NTM: variants seen among roughly 807,000 people sequenced by gnomAD.
The protein encoded by NTM is neurotrimin.
A neutral mutation model predicts 42.1 loss-of-function variants in NTM; 13 were observed. That is an observed-to-expected ratio of 0.31 (90% CI 0.20 to 0.49). NTM has a LOEUF of 0.49. NTM is among the 20% of genes least tolerant of loss of function. The pLI is 0.99. For synonymous variants in NTM, 187 were observed against 179.2 expected, an observed-to-expected ratio of 1.04 and a Z score of -0.35; for missense variants, 373 against 452.8, an observed-to-expected ratio of 0.82 and a Z score of 1.60.
intron 4 of NTM, among the ~76,000 whole-genome samples, chr11:132,301,587 C>T (rs1262516769): frequency 1.3e-5 from 2 of 152,158 alleles, no homozygotes; most frequent in African/African-American, 4.8e-5. Flanking sequence ...AACAGAAAAC[C>T]TTGAATGTTC....
intron 1 of NTM, among the ~76,000 whole-genome samples, chr11:131,749,440 G>A (rs2082208841): frequency 6.6e-6 from 1 of 152,188 alleles, no homozygotes; most frequent in Non-Finnish European, 1.5e-5. Flanking sequence ...ATGTCATTAT[G>A]ACATTTACAG....
At chr11:132,038,283 A>G (rs2076753883) in intron 2 of NTM, among the ~76,000 whole-genome samples, 1 of 152,218 alleles carries the variant, frequency 6.6e-6, no homozygotes, top group African/African-American at 2.4e-5. Context: ...GCCCTCATGC[A>G]TTCTTTGACC....
chr11:131,690,522 AC>A (rs1217494247), intron 1 of NTM, among the ~76,000 whole-genome samples: 1 of 152,182 alleles, frequency 6.6e-6, no homozygotes, highest in Non-Finnish European at 1.5e-5. Flanking sequence ...GAACCCAAGC[AC>A]CCAGGGGACT....
intron 1 of NTM, among the ~76,000 whole-genome samples, chr11:131,751,407 G>A (rs976437397): frequency 1.3e-5 from 2 of 152,074 alleles, no homozygotes; most frequent in South Asian, 2.1e-4. Context: ...TGGCTAACAC[G>A]GTGAAACCCC....
intron 8 of NTM, among the ~76,000 whole-genome samples, chr11:132,332,964 TG>T (rs1482628518): frequency 6.6e-6 from 1 of 151,176 alleles, no homozygotes; most frequent in Non-Finnish European, 1.5e-5. Context: ...AGACGGGAGG[TG>T]GGAGTGTGCG....
intron 1 of NTM, among the ~76,000 whole-genome samples, chr11:131,872,506 C>A (rs1350594788): frequency 6.6e-6 from 1 of 152,328 alleles, no homozygotes; most frequent in South Asian, 2.1e-4. Context: ...ATCCTGCTCA[C>A]ATTACCAAAC....
chr11:131,913,598 A>G (rs180993772), intron 2 of NTM, among the ~76,000 whole-genome samples: 2 of 152,104 alleles, frequency 1.3e-5, no homozygotes, highest in Admixed American at 6.5e-5. Context: ...CTTCCCTTTC[A>G]TGGTTCTTTT....
chr11:132,113,306 T>A (rs1176059893), intron 2 of NTM, among the ~76,000 whole-genome samples: 1 of 152,226 alleles, frequency 6.6e-6, no homozygotes, highest in East Asian at 1.9e-4. Context: ...TCCACGGTTG[T>A]AATGAACGCC....
In NTM at chr11:131,370,734, AATCT is replaced by A. The variant is rs967340601; in HGVS notation, c.-69_-66del. 1 of 1,292,332 alleles carries A rather than the reference AATCT, an allele frequency of 7.7e-7. No homozygotes were observed. Among genetic ancestry groups the A allele is most frequent in the African/African-American group, 1.5e-5 (1 of 67,490 alleles). The allele number at this position is 1,292,332 out of a possible 1,614,324, so 80.1% of individuals were successfully genotyped here. On this transcript the variant is annotated 5_prime_UTR_variant, in exon 1 of 9. Transcript: ENST00000683400. ...CCTTGCACAAGCTTGAGAGCAACAC[AATCT>A]ATCAGGAAAGAAAGAAAGAAAAAAA...
At chr11:131,596,987 A>C (rs1225523248) in intron 1 of NTM, among the ~76,000 whole-genome samples, 1 of 152,110 alleles carries the variant, frequency 6.6e-6, no homozygotes, top group African/African-American at 2.4e-5. Flanking sequence ...GGAGGCTGGG[A>C]GGCTATCAGG....
At chr11:132,330,831 G>A (rs946482925) in intron 8 of NTM, among the ~76,000 whole-genome samples, 1 of 152,210 alleles carries the variant, frequency 6.6e-6, no homozygotes, top group African/African-American at 2.4e-5. Context: ...TGGAGTGGAG[G>A]CGTGGCTGAA....
intron 4 of NTM, among the ~76,000 whole-genome samples, chr11:132,283,695 T>G (rs1565382085): frequency 6.6e-6 from 1 of 152,194 alleles, no homozygotes; most frequent in Non-Finnish European, 1.5e-5. Context: ...CGGTACTTCA[T>G]AGCACCCTGT....
At chr11:131,535,763 G>T (rs2052082845) in intron 1 of NTM, 1 of 152,178 alleles carries the variant, frequency 6.6e-6, no homozygotes, top group Non-Finnish European at 1.5e-5. Flanking sequence ...CAAAGAAAGG[G>T]CCTGGTCGAA....
chr11:131,711,620 C>T lies in NTM; in HGVS notation c.83-199944C>T, dbSNP rs536563618. 7.7e-3 allele frequency among the ~76,000 whole-genome samples: 1,178 copies of T among 152,146 alleles called. 16 individuals are homozygous for T. Among genetic ancestry groups the T allele is most frequent in the African/African-American group, 0.023 (955 of 41,516 alleles). On this transcript the variant is annotated intron_variant, in intron 1 of 8. Coordinates refer to ENST00000683400, the MANE Select transcript of NTM (RefSeq NM_001352005.2). Reference sequence around the variant, plus strand: ...TAGAAATACCATTTGACCCAGCCATCCCATTACTGGGTATATACCCAAAGG... The same window carrying T: ...TAGAAATACCATTTGACCCAGCCATTCCATTACTGGGTATATACCCAAAGG...
intron 1 of NTM, among the ~76,000 whole-genome samples, chr11:131,577,208 A>G (rs1349589254): frequency 6.6e-6 from 1 of 152,250 alleles, no homozygotes; most frequent in African/African-American, 2.4e-5. Flanking sequence ...GAAATCATGT[A>G]TTTGAACATA....
At chr11:132,058,726 C>T (rs1263419470) in intron 2 of NTM, among the ~76,000 whole-genome samples, 1 of 152,214 alleles carries the variant, frequency 6.6e-6, no homozygotes, top group Non-Finnish European at 1.5e-5. Flanking sequence ...AAGTTGCCTT[C>T]TTCGCTGAGT....
At chr11:131,472,145 G>C (rs1023594122) in intron 1 of NTM, among the ~76,000 whole-genome samples, 1 of 152,148 alleles carries the variant, frequency 6.6e-6, no homozygotes, top group Non-Finnish European at 1.5e-5. Flanking sequence ...CTTTCTGCTG[G>C]CATCAGCGGG....
chr11:132,301,461 G>C (rs111958032), intron 4 of NTM, among the ~76,000 whole-genome samples: 1,897 of 152,282 alleles, frequency 0.012, 43 homozygotes, highest in African/African-American at 0.043. Flanking sequence ...CTTTCTTCAT[G>C]AGACCTCAAA....
At chr11:131,792,462 G>T (rs986085735) in intron 1 of NTM, among the ~76,000 whole-genome samples, 1 of 152,114 alleles carries the variant, frequency 6.6e-6, no homozygotes, top group Non-Finnish European at 1.5e-5. Flanking sequence ...TTGGATTTAA[G>T]CTGGGATAGA....
Sources: gnomAD v4.1 joint callset for allele counts (sites outside exome capture counted in the v4.1 genomes callset) on GRCh38, gnomAD v4.1.1 for gene constraint, MANE v1.5 for transcripts, NCBI Gene and HGNC (gene_info 2026-07-23, HGNC 2026-07-21) for gene names.